Variants in SMC4 observed in about 807,000 individuals in gnomAD.
SMC4 encodes the protein structural maintenance of chromosomes 4.
A neutral mutation model predicts 145.6 loss-of-function variants in SMC4; 87 were observed. That is an observed-to-expected ratio of 0.60 (90% CI 0.50 to 0.71). SMC4 has a LOEUF of 0.71. Among genes scored for constraint, SMC4 ranks in the 30% least tolerant of loss-of-function variants. The pLI is 0.00. For missense variants in SMC4, 1,447 were observed against 1,537.1 expected (o/e 0.94, Z 0.98); for synonymous variants, 558 against 500.7 (o/e 1.11, Z -1.53).
chr3:160,416,275 G>C lies in SMC4; in HGVS notation c.1297G>C (p.Ala433Pro), dbSNP rs1167048242. ...GGTTGAAGAATTTAAAAGTATACCTGCCAAGAGTAACAATATCATTAATGA... is the reference window on the plus strand; with the variant it reads ...GGTTGAAGAATTTAAAAGTATACCTCCCAAGAGTAACAATATCATTAATGA... The part of the protein sequence containing the change: ...EKVEEFKSIP[A>P]KSNNIINETT... The change falls in exon 10 of 24, where the codon GCC (alanine) becomes CCC (proline). Residue 433 changes from alanine to proline, a missense_variant. Ala to Pro is a conservative substitution (Grantham distance 27). Coordinates refer to ENST00000357388, the MANE Select transcript of SMC4 (RefSeq NM_001002800.3). 1 of 1,595,004 alleles carries C rather than the reference G, an allele frequency of 6.3e-7. No individual in the cohort carries two copies. Among genetic ancestry groups the C allele is most frequent in the Admixed American group, 1.8e-5 (1 of 55,592 alleles).
At chr3:160,414,024 T>G (rs1716326313) in intron 8 of SMC4, 1 of 350,118 alleles carries the variant, frequency 2.9e-6, no homozygotes, top group South Asian at 2.3e-5. Context: ...TAAAAAAATT[T>G]GTATAGTAAG....
chr3:160,431,949 C>A, intron 21 of SMC4, 124 bp downstream of exon 21: 1 of 1,025,740 alleles, frequency 9.7e-7, no homozygotes, highest in Admixed American at 3.1e-5. Context: ...CGCCTGTAAT[C>A]CCAGCACTTT....
intron 12 of SMC4, 88 bp from the exon 13 acceptor site, chr3:160,420,652 A>T: frequency 7.1e-7 from 1 of 1,402,162 alleles, no homozygotes; most frequent in South Asian, 1.3e-5. Flanking sequence ...AAAGTTTTTC[A>T]ATTAAAAGAA....
Position 160,413,513 on chromosome 3 carries a change from A to G in SMC4, c.1021A>G (p.Lys341Glu), listed in dbSNP as rs1371220672. ...QKRIAEMETQ[K>E]EKIHEDTKEI... The stretch of plus-strand genomic sequence containing the variant: ...ACGAATTGCTGAAATGGAAACTCAA[A>G]AGGAAAAAATTCATGAAGATACCAA... Residue 341 changes from lysine to glutamate, a missense_variant, in exon 8 of 24, where the codon AAG (lysine) becomes GAG (glutamate). Lys to Glu is a moderately conservative substitution (Grantham distance 56). Transcript: ENST00000357388. 2 of 1,590,600 alleles carry G rather than the reference A, an allele frequency of 1.3e-6. No individual in the cohort carries two copies. Among genetic ancestry groups the G allele is most frequent in the South Asian group, 2.3e-5 (2 of 85,992 alleles).
At chr3:160,417,517 G>A in intron 10 of SMC4, 1 of 549,544 alleles carries the variant, frequency 1.8e-6, no homozygotes, top group Non-Finnish European at 3.2e-6. Context: ...AAGCTCTTGT[G>A]AAATCAGTTG....
chr3:160,430,419 A>G lies in SMC4; in HGVS notation c.2796-180A>G, dbSNP rs2305403. On this transcript the variant is annotated intron_variant, in intron 18 of 23. Transcript: ENST00000357388. Reference sequence around the variant, plus strand: ...TAATTAAAAATATACAACTCATCCCATAAGTGTTTGTATAAACCTACAAAA... The same window carrying G: ...TAATTAAAAATATACAACTCATCCCGTAAGTGTTTGTATAAACCTACAAAA... Among the ~76,000 whole-genome samples the G allele has an allele frequency of 1.4e-4, 22 of 152,324 alleles. No homozygotes were observed. In the East Asian group the frequency reaches 3.9e-3, roughly 27 times the overall value.
chr3:160,425,270 TAAC>T (rs1717672291), intron 16 of SMC4, among the ~76,000 whole-genome samples: 1 of 152,302 alleles, frequency 6.6e-6, no homozygotes, highest in East Asian at 1.9e-4. Context: ...TTACTTTCCT[TAAC>T]AACTATATGA....
rs1718491774 is a variant in SMC4, at chr3:160,432,264, T to C, written c.3298-19T>C. The C allele has an allele frequency of 6.8e-7, 1 of 1,475,010 alleles. No homozygotes were observed. The highest frequency in any genetic ancestry group is 1.4e-5 in the African/African-American group (1 of 70,768). 91.4% of individuals were successfully genotyped at this position (1,475,010 alleles called of 1,614,324 possible). ...CAAATTTATCTGAATAGATTTTCCC[T>C]ATCATAATCTTTTCACAGGAAGAAT... On this transcript the variant is annotated intron_variant, in intron 21 of 23. Coordinates refer to ENST00000357388, the MANE Select transcript of SMC4 (RefSeq NM_001002800.3).
intron 2 of SMC4, 92 bp downstream of exon 2, chr3:160,401,057 C>T: frequency 7.5e-7 from 1 of 1,333,338 alleles, no homozygotes; most frequent in Non-Finnish European, 9.6e-7. Context: ...TTGTTGAGCG[C>T]GGAGTTGACA....
chr3:160,404,243 T>G, intron 4 of SMC4, 85 bp from the exon 5 acceptor site: 2 of 1,253,434 alleles, frequency 1.6e-6, no homozygotes, highest in East Asian at 2.5e-5. Flanking sequence ...TAGAATTAGT[T>G]TCAGTATGAA....
At chr3:160,416,526 T>C (rs1716612649) in intron 10 of SMC4, 111 bp downstream of exon 10, 1 of 600,630 alleles carries the variant, frequency 1.7e-6, no homozygotes, top group Non-Finnish European at 2.7e-6. Flanking sequence ...GGACTTTTAA[T>C]GTCCAACATT....
chr3:160,432,595 G>C lies in SMC4; in HGVS notation c.3530+80G>C, dbSNP rs1037619580. The C allele has an allele frequency of 1.1e-5, 10 of 886,590 alleles. No homozygotes were observed. In the African/African-American group the frequency reaches 1.4e-4, roughly 12 times the overall value. The allele number at this position is 886,590 out of a possible 1,614,324, so 54.9% of individuals were successfully genotyped here. The stretch of plus-strand genomic sequence containing the variant: ...CCAAACTCAGTATTTCTTGGAGGTA[G>C]GATGTGAAGGCAAGATGTACAACTT... On this transcript the variant is annotated intron_variant, in intron 22 of 23. Transcript: ENST00000357388.
At chr3:160,406,152 A>C (rs1385295200) in intron 5 of SMC4, among the ~76,000 whole-genome samples, 3 of 152,132 alleles carry the variant, frequency 2.0e-5, no homozygotes, top group African/African-American at 7.2e-5. Flanking sequence ...TGGGATGCTA[A>C]AGCCAATTTG....
intron 15 of SMC4, 60 bp downstream of exon 15, chr3:160,423,900 T>C: frequency 1.5e-6 from 2 of 1,341,722 alleles, no homozygotes; most frequent in Non-Finnish European, 2.0e-6. Context: ...TTTACCGAGG[T>C]ATATACTTAC....
Position 160,417,267 on chromosome 3 carries a change from G to C in SMC4, c.1438-456G>C, listed in dbSNP as rs938558146. Among the ~76,000 whole-genome samples the C allele has an allele frequency of 3.3e-5, 5 of 152,138 alleles. No individual in the cohort carries two copies. The East Asian group carries it at 9.6e-4, about 29-fold the overall frequency. On this transcript the variant is annotated intron_variant, in intron 10 of 23. Transcript: ENST00000357388. ...GATGAAGTGTCACTTAATAGAGTCTGCTTTGGAATATGGACATGTTCTAAT... is the reference window on the plus strand; with the variant it reads ...GATGAAGTGTCACTTAATAGAGTCTCCTTTGGAATATGGACATGTTCTAAT...
chr3:160,401,033 G>A (rs1169758582), intron 2 of SMC4, 68 bp downstream of exon 2: 2 of 1,355,792 alleles, frequency 1.5e-6, no homozygotes, highest in African/African-American at 3.1e-5. Flanking sequence ...CGCCCAGCCC[G>A]AGGCTGGCTG....
intron 7 of SMC4, chr3:160,412,947 G>A: frequency 5.8e-6 from 2 of 345,324 alleles, no homozygotes; most frequent in Non-Finnish European, 8.2e-6. Context: ...AGCTTATGAT[G>A]AACTGTTTTT....
intron 12 of SMC4, among the ~76,000 whole-genome samples, 173 bp downstream of exon 12, chr3:160,419,716 T>G (rs1716969849): frequency 6.6e-6 from 1 of 152,206 alleles, no homozygotes; most frequent in Non-Finnish European, 1.5e-5. Context: ...GTTTCTTGTT[T>G]ACTTAGCTTT....
intron 5 of SMC4, among the ~76,000 whole-genome samples, chr3:160,410,593 G>T (rs1715875979): frequency 6.6e-6 from 1 of 151,964 alleles, no homozygotes. Flanking sequence ...TAACTTTTGG[G>T]GTAACAGTTT....
Sources: allele counts gnomAD v4.1 joint callset (sites outside exome capture counted in the v4.1 genomes callset), GRCh38; gene constraint gnomAD v4.1.1; transcripts MANE v1.5; gene names NCBI Gene and HGNC (gene_info 2026-07-23, HGNC 2026-07-21).